The following SDK2 variants were observed in gnomAD, a reference collection of about 807,000 sequenced individuals.
The protein encoded by SDK2 is protein sidekick-2.
SDK2 carries 105 observed loss-of-function variants against 253.9 expected under a neutral mutation model. The observed-to-expected ratio is 0.41, with a 90% CI of 0.35 to 0.49. SDK2 has a LOEUF of 0.49. Among genes scored for constraint, SDK2 ranks in the 20% least tolerant of loss-of-function variants. SDK2 has a pLI of 0.06. For synonymous variants in SDK2, 1,249 were observed against 1,234.9 expected, an observed-to-expected ratio of 1.01 and a Z score of -0.24; for missense variants, 2,608 against 3,003.0, an observed-to-expected ratio of 0.87 and a Z score of 3.07.
At chr17:73,348,257 C>T (rs1198440310) in intron 44 of SDK2, among the ~76,000 whole-genome samples, 1 of 152,204 alleles carries the variant, frequency 6.6e-6, no homozygotes, top group Non-Finnish European at 1.5e-5. Context: ...TCAACCTTCT[C>T]CCCAGAGTCT....
At chr17:73,418,010 G>GTTTTTTTTTTTTTTTTTTTTTT (rs397689294) in intron 16 of SDK2, among the ~76,000 whole-genome samples, 3 of 128,258 alleles carry the variant, frequency 2.3e-5, no homozygotes, top group Non-Finnish European at 3.2e-5. Context: ...TCCTAGATGA[G>GTTTTTTTTTTTTTTTTTTTTTT]TTTTTTTTTT....
At position 73,619,837 on chromosome 17, in the gene SDK2, C is replaced by A. The variant is rs144665267; in HGVS notation, c.64+24188G>T. Among the ~76,000 whole-genome samples, 67 of 152,240 alleles carry A rather than the reference C, an allele frequency of 4.4e-4. No homozygotes were observed. In the East Asian group the frequency reaches 7.7e-3, roughly 18 times the overall value. Reference sequence around the variant, plus strand: ...TGCAAATCATACATCTGACAAGGGTCTAGTATCCAGAATATGTAATGAAAC... The same window carrying A: ...TGCAAATCATACATCTGACAAGGGTATAGTATCCAGAATATGTAATGAAAC... On this transcript the variant is annotated intron_variant, in intron 1 of 44. Transcript: ENST00000392650.
At chr17:73,453,718 T>C (rs1203185613) in intron 4 of SDK2, among the ~76,000 whole-genome samples, 1 of 152,174 alleles carries the variant, frequency 6.6e-6, no homozygotes, top group African/African-American at 2.4e-5. Context: ...TGGCTGTGGG[T>C]AGCTGATACA....
At position 73,641,777 on chromosome 17, in the gene SDK2, T is replaced by C. The variant is rs146225658; in HGVS notation, c.64+2248A>G. ...GCTACCCCCCAAAGGATTAATGTCA[T>C]GGCCTGAGACTGGAAAAAACTCACT... On this transcript the variant is annotated intron_variant, in intron 1 of 44. Transcript: ENST00000392650. Among the ~76,000 whole-genome samples, 54 of 152,216 alleles carry C rather than the reference T, an allele frequency of 3.5e-4. No homozygotes were observed. In the East Asian group the frequency reaches 0.01, roughly 29 times the overall value.
intron 32 of SDK2, 98 bp from the exon 33 acceptor site, chr17:73,384,109 C>T: frequency 7.4e-7 from 1 of 1,348,902 alleles, no homozygotes; most frequent in Non-Finnish European, 1.0e-6. Flanking sequence ...AGAGCAGGGA[C>T]TATGTTTTAA....
intron 22 of SDK2, 107 bp from the exon 23 acceptor site, chr17:73,398,536 G>A (rs950526321): frequency 4.4e-6 from 4 of 901,952 alleles, no homozygotes; most frequent in Admixed American, 2.2e-5. Context: ...CAGAACCCAG[G>A]GCTCATCTGG....
intron 3 of SDK2, among the ~76,000 whole-genome samples, chr17:73,463,598 G>A (rs1055067540): frequency 2.0e-5 from 3 of 151,882 alleles, no homozygotes; most frequent in Admixed American, 6.6e-5. Context: ...TTCCTTTCAC[G>A]TTTCCTTACC....
At chr17:73,596,850 G>C (rs1389531975) in intron 1 of SDK2, among the ~76,000 whole-genome samples, 1 of 152,256 alleles carries the variant, frequency 6.6e-6, no homozygotes, top group African/African-American at 2.4e-5. Context: ...GCAAAAGAGG[G>C]AGATGAAGCT....
In SDK2 at chr17:73,612,912, G is replaced by A. The variant is rs528502997; in HGVS notation, c.64+31113C>T. 1.1e-4 allele frequency among the ~76,000 whole-genome samples: 16 copies of A among 149,998 alleles called. No homozygotes were observed. The highest frequency in any genetic ancestry group is 3.8e-4 in the African/African-American group (15 of 39,594). ...AGCCTGGGTGACAGAGCGAGACTCC[G>A]TCTCAAATAATAATAATAATAATAA... On this transcript the variant is annotated intron_variant, in intron 1 of 44. Transcript: ENST00000392650. The surrounding 1 kb of genome is among the most constrained non-coding windows in gnomAD (Gnocchi z 4.4).
At position 73,445,669 on chromosome 17, in the gene SDK2, G is replaced by A. The variant is rs931112391; in HGVS notation, c.613+1946C>T. 3.3e-5 allele frequency among the ~76,000 whole-genome samples: 5 copies of A among 152,038 alleles called. 1 individual carries two copies. Among genetic ancestry groups the A allele is most frequent in the South Asian group, 4.1e-4 (2 of 4,820 alleles). On this transcript the variant is annotated intron_variant, in intron 5 of 44. Coordinates refer to ENST00000392650, the MANE Select transcript of SDK2 (RefSeq NM_001144952.2). Reference sequence around the variant, plus strand: ...AGGGGAGCTGGTGCTGGTGGTGGGCGAAGCGTCAATTGCTCCTCACAAATT... The same window carrying A: ...AGGGGAGCTGGTGCTGGTGGTGGGCAAAGCGTCAATTGCTCCTCACAAATT...
chr17:73,400,940 G>T, intron 21 of SDK2, 80 bp downstream of exon 21: 1 of 1,377,694 alleles, frequency 7.3e-7, no homozygotes, highest in Non-Finnish European at 9.9e-7. Flanking sequence ...GAGCCACCAC[G>T]CCCAGCCGAC....
At chr17:73,388,692 G>A (rs1165670186) in intron 29 of SDK2, among the ~76,000 whole-genome samples, 3 of 152,052 alleles carry the variant, frequency 2.0e-5, no homozygotes, top group Non-Finnish European at 2.9e-5. Flanking sequence ...GAGAAGCACT[G>A]TACTAATGGT....
chr17:73,355,174 A>ATATATATATATATATTTTTTTTTTTTTTT, intron 40 of SDK2, among the ~76,000 whole-genome samples: 2 of 47,238 alleles, frequency 4.2e-5, no homozygotes, highest in African/African-American at 3.3e-4. Context: ...ATATATATAT[A>ATATATATATATATATTTTTTTTTTTTTTT]TTTTTTTTTT....
chr17:73,439,097 C>T (rs1049422051), intron 6 of SDK2, among the ~76,000 whole-genome samples: 12 of 152,164 alleles, frequency 7.9e-5, no homozygotes, highest in Non-Finnish European at 1.8e-4. Context: ...TGAGCTCTTA[C>T]TCTGTTAGTT....
chr17:73,399,041 G>C (rs373001022), intron 22 of SDK2, 127 bp downstream of exon 22: 45 of 882,994 alleles, frequency 5.1e-5, no homozygotes, highest in East Asian at 2.1e-4. Context: ...TGAGCATTTG[G>C]AGTATAATGG....
rs1567812861 is a variant in SDK2, at chr17:73,507,584, CG to C, written c.77del (p.Pro26ArgfsTer42). ...RAARAQDDVS[P>X]YFKTEPVRTQ... Reference sequence around the variant, plus strand: ...TCCGCACAGGCTCTGTCTTGAAATACGGGGACACATCATCTGCAGAAACAGG... The same window carrying C: ...TCCGCACAGGCTCTGTCTTGAAATACGGGACACATCATCTGCAGAAACAGG... On this transcript the variant is annotated frameshift_variant, in exon 2 of 45. Transcript: ENST00000392650. LOFTEE classifies it high-confidence loss of function. 6.4e-7 allele frequency: 1 copy of C among 1,551,320 alleles called. No homozygotes were observed. Among genetic ancestry groups the C allele is most frequent in the Admixed American group, 2.0e-5 (1 of 50,986 alleles).
At chr17:73,577,302 G>C (rs1237612316) in intron 1 of SDK2, among the ~76,000 whole-genome samples, 1 of 152,202 alleles carries the variant, frequency 6.6e-6, no homozygotes, top group Admixed American at 6.5e-5. Flanking sequence ...GGAATCCATT[G>C]GCACCAAAGT....
intron 17 of SDK2, 56 bp from the exon 18 acceptor site, chr17:73,414,815 C>T: frequency 8.7e-7 from 1 of 1,143,102 alleles, no homozygotes; most frequent in Non-Finnish European, 1.3e-6. Flanking sequence ...GTCTCTCTTG[C>T]CCAGTTCAGT....
rs868080945 is a variant in SDK2 at position 73,401,682 on chromosome 17, C to A, written c.2751G>T (p.Glu917Asp). ...TGAGGATGCCATTTTTCTCTCCCGGCTCTTGCCAGCTGACCTTCAGCGATG... is the reference window on the plus strand; with the variant it reads ...TGAGGATGCCATTTTTCTCTCCCGGATCTTGCCAGCTGACCTTCAGCGATG... ...LDTSLKVSWQ[E>D]PGEKNGILTG... Residue 917 changes from glutamate (E) to aspartate (D), a missense_variant, in exon 20 of 45, where the codon GAG (glutamate) becomes GAT (aspartate). Coordinates refer to ENST00000392650, the MANE Select transcript of SDK2 (RefSeq NM_001144952.2). 1 of 1,594,742 alleles carries A rather than the reference C, an allele frequency of 6.3e-7. No individual in the cohort carries two copies.
Sources: allele counts gnomAD v4.1 joint callset (sites outside exome capture counted in the v4.1 genomes callset), GRCh38; gene constraint gnomAD v4.1.1; non-coding constraint Gnocchi (gnomAD v3.1); transcripts MANE v1.5; gene names NCBI Gene and HGNC (gene_info 2026-07-23, HGNC 2026-07-21).